EPB41: variants seen among roughly 807,000 people sequenced by gnomAD.
The protein encoded by EPB41 is protein 4.1.
In EPB41, 65 loss-of-function variants were observed where a neutral mutation model predicts 108.0. That is an observed-to-expected ratio of 0.60 (90% confidence interval 0.49 to 0.74). The LOEUF (loss-of-function observed/expected upper bound fraction) is 0.74, where lower values mean the gene tolerates loss of function less well. Among genes scored for constraint, EPB41 ranks in the 30% least tolerant of loss-of-function variants. The pLI, the probability that EPB41 is intolerant of heterozygous loss-of-function variation, is 0.00. For missense variants in EPB41, 875 were observed against 1,037.0 expected (o/e 0.84, Z 2.15); for synonymous variants, 336 against 358.9 (o/e 0.94, Z 0.72).
chr1:29,060,594 A>G (rs1646340464), intron 15 of EPB41, 110 bp downstream of exon 15: 1 of 923,290 alleles, frequency 1.1e-6, no homozygotes. Context: ...ATGCAATTGC[A>G]TGAAGGGACT....
intron 1 of EPB41, among the ~76,000 whole-genome samples, chr1:28,929,843 C>CTTTTTTTTTTTT (rs56337991): frequency 9.8e-6 from 1 of 101,886 alleles, no homozygotes; most frequent in African/African-American, 3.3e-5. Context: ...ACTGGGCCTT[C>CTTTTTTTTTTTT]TTTTTTTTTT....
chr1:29,108,303 C>T (rs1326740061), intron 17 of EPB41, among the ~76,000 whole-genome samples: 1 of 151,554 alleles, frequency 6.6e-6, no homozygotes, highest in Non-Finnish European at 1.5e-5. Context: ...CATGCACCAC[C>T]ACACCCGGCT....
chr1:28,962,622 T>C (rs571767716), intron 1 of EPB41, among the ~76,000 whole-genome samples: 8 of 151,610 alleles, frequency 5.3e-5, no homozygotes, highest in Admixed American at 3.9e-4. Flanking sequence ...TTTCTGTCTC[T>C]GGATTTGACT....
At chr1:29,047,664 C>T (rs1643692610) in intron 11 of EPB41, among the ~76,000 whole-genome samples, 3 of 152,082 alleles carry the variant, frequency 2.0e-5, no homozygotes, top group South Asian at 4.1e-4. Flanking sequence ...TCCACTTTTG[C>T]ATTCCTGATA....
intron 6 of EPB41, among the ~76,000 whole-genome samples, chr1:29,017,593 A>G (rs1304269827): frequency 2.0e-5 from 3 of 152,266 alleles, no homozygotes; most frequent in African/African-American, 7.2e-5. Context: ...AGAAAGCTGC[A>G]TGCGACTTAA....
At chr1:28,975,965 A>G (rs1276745867) in intron 1 of EPB41, among the ~76,000 whole-genome samples, 1 of 151,484 alleles carries the variant, frequency 6.6e-6, no homozygotes, top group Non-Finnish European at 1.5e-5. Flanking sequence ...AAAAAAAGAA[A>G]GAAAGAAAGA....
chr1:29,019,592 G>A (rs1405512702), intron 7 of EPB41, among the ~76,000 whole-genome samples: 2 of 152,148 alleles, frequency 1.3e-5, no homozygotes, highest in Admixed American at 1.3e-4. Flanking sequence ...AGTTACGTTA[G>A]CATGAGTTAG....
chr1:28,945,474 T>G (rs184312635), intron 1 of EPB41, among the ~76,000 whole-genome samples: 1 of 152,300 alleles, frequency 6.6e-6, no homozygotes, highest in African/African-American at 2.4e-5. Context: ...AATAGATAAT[T>G]TTTAAAATGA....
chr1:29,064,207 T>C (rs1646972368), intron 15 of EPB41, among the ~76,000 whole-genome samples: 1 of 152,202 alleles, frequency 6.6e-6, no homozygotes, highest in Non-Finnish European at 1.5e-5. Context: ...AAGAAGTCCC[T>C]GTTTTGAGCT....
At chr1:28,894,085 C>A in intron 1 of EPB41, among the ~76,000 whole-genome samples, 1 of 152,158 alleles carries the variant, frequency 6.6e-6, no homozygotes, top group East Asian at 1.9e-4. Flanking sequence ...GAATAGAATC[C>A]TTTTTCTGTT....
chr1:28,940,581 G>A lies in EPB41; in HGVS notation c.-8+25813G>A, dbSNP rs2094239622. On this transcript the variant is annotated intron_variant, in intron 1 of 20. Transcript: ENST00000343067. ...GCAGGAAAATCACTTGAACCCGGGAGGCGGAGGTTGCAGTGAGTCGAGATC... is the reference window on the plus strand; with the variant it reads ...GCAGGAAAATCACTTGAACCCGGGAAGCGGAGGTTGCAGTGAGTCGAGATC... Among the ~76,000 whole-genome samples, 4 of 152,264 alleles carry A rather than the reference G, an allele frequency of 2.6e-5. No homozygotes were observed. The South Asian group carries it at 6.2e-4, about 24-fold the overall frequency.
intron 15 of EPB41, among the ~76,000 whole-genome samples, chr1:29,061,865 C>A (rs1646635358): frequency 6.6e-6 from 1 of 152,074 alleles, no homozygotes; most frequent in South Asian, 2.1e-4. Flanking sequence ...CAGGCATGAG[C>A]CACTGGACCC....
Position 29,112,390 on chromosome 1 carries a change from A to G in EPB41, c.2438A>G (p.Glu813Gly), listed in dbSNP as rs769650632. 55 of 1,613,824 alleles carry G rather than the reference A, an allele frequency of 3.4e-5. No individual in the cohort carries two copies. The East Asian group carries it at 1.2e-3, about 35-fold the overall frequency. Residue 813 changes from glutamate (E) to glycine (G), a missense_variant, in exon 19 of 21, where the codon GAG (glutamate) becomes GGG (glycine). By Grantham distance (98) the Glu-to-Gly change is moderately conservative. Around this residue, in one of 3 missense-constraint regions of EPB41, gnomAD observed 519 missense variants for 627.3 expected, o/e 0.83. Coordinates refer to ENST00000343067, the MANE Select transcript of EPB41 (RefSeq NM_001376013.1). ...CAGACTGTAAAAGGTGGGATTTCAGAGACACGTATTGAAAAGAGAATTGTG... is the reference window on the plus strand; with the variant it reads ...CAGACTGTAAAAGGTGGGATTTCAGGGACACGTATTGAAAAGAGAATTGTG... ...ITKTVKGGIS[E>G]TRIEKRIVIT...
At chr1:28,972,503 C>T (rs576344335) in intron 1 of EPB41, among the ~76,000 whole-genome samples, 1 of 151,928 alleles carries the variant, frequency 6.6e-6, no homozygotes, top group Non-Finnish European at 1.5e-5. Flanking sequence ...GTTGATTCAG[C>T]GGTATTAGTC....
At chr1:28,948,255 T>C (rs1196331490) in intron 1 of EPB41, among the ~76,000 whole-genome samples, 10 of 152,144 alleles carry the variant, frequency 6.6e-5, no homozygotes, top group Middle Eastern at 3.2e-3. Flanking sequence ...GACTCACGCC[T>C]GTAATCGCAG....
chr1:28,918,853 T>C (rs919883310), intron 1 of EPB41, among the ~76,000 whole-genome samples: 4 of 152,258 alleles, frequency 2.6e-5, no homozygotes, highest in South Asian at 4.1e-4. Flanking sequence ...TATTTTTTGT[T>C]GTTCATTTAA....
chr1:29,079,980 G>A (rs1023759795), intron 16 of EPB41, among the ~76,000 whole-genome samples: 6 of 151,844 alleles, frequency 4.0e-5, no homozygotes, highest in Non-Finnish European at 5.9e-5. Flanking sequence ...TGGGCGACAA[G>A]AGCAAAACTC....
At chr1:29,114,636 T>TAAAAAAAAAAAAAAA (rs62666661) in intron 19 of EPB41, among the ~76,000 whole-genome samples, 1 of 77,744 alleles carries the variant, frequency 1.3e-5, no homozygotes, top group African/African-American at 4.7e-5. Context: ...AGACTCCGTC[T>TAAAAAAAAAAAAAAA]AAAAAAAAAA....
intron 4 of EPB41, among the ~76,000 whole-genome samples, chr1:29,011,430 A>G (rs911902998): frequency 6.6e-6 from 1 of 152,114 alleles, no homozygotes; most frequent in Admixed American, 6.6e-5. Flanking sequence ...GGGGAAAATA[A>G]AATGTGGATG....
Sources: allele counts gnomAD v4.1 joint callset (sites outside exome capture counted in the v4.1 genomes callset), GRCh38; gene constraint gnomAD v4.1.1; regional missense constraint gnomAD v4.1.1; transcripts MANE v1.5; gene names NCBI Gene and HGNC (gene_info 2026-07-23, HGNC 2026-07-21).